Variants in EHMT1 observed in about 807,000 individuals in gnomAD.
EHMT1 encodes histone-lysine N-methyltransferase EHMT1.
In EHMT1, 15 loss-of-function variants were observed where a neutral mutation model predicts 147.2. The observed-to-expected ratio is 0.10, with a 90% CI of 0.07 to 0.16. The LOEUF is 0.16. EHMT1 is among the 10% of genes least tolerant of loss of function. The pLI is 1.00. For synonymous variants in EHMT1, 795 were observed against 709.6 expected, an observed-to-expected ratio of 1.12 and a Z score of -1.91; for missense variants, 1,587 against 1,772.4, an observed-to-expected ratio of 0.90 and a Z score of 1.88.
At position 137,800,293 on chromosome 9, in the gene EHMT1, G is replaced by T. The variant is rs116241839; in HGVS notation, c.2608-587G>T. 7.7e-3 allele frequency: 1,202 copies of T among 156,178 alleles called. 30 individuals carry two copies. The highest frequency in any genetic ancestry group is 0.027 in the African/African-American group (1,138 of 41,592). 9.7% of individuals were successfully genotyped at this position (156,178 alleles called of 1,614,324 possible). Reference sequence around the variant, plus strand: ...CAGGAGTGGCAGGAGCCGCAGAGCTGATCAGCCTGGGTGGGCATTCTGCTC... The same window carrying T: ...CAGGAGTGGCAGGAGCCGCAGAGCTTATCAGCCTGGGTGGGCATTCTGCTC... On this transcript the variant is annotated intron_variant, in intron 17 of 26. Coordinates refer to ENST00000460843, the MANE Select transcript of EHMT1 (RefSeq NM_024757.5).
intron 1 of EHMT1, among the ~76,000 whole-genome samples, chr9:137,689,899 C>T (rs1449264811): frequency 1.3e-5 from 2 of 152,224 alleles, no homozygotes; most frequent in Non-Finnish European, 2.9e-5. Flanking sequence ...ATGTTGGCTG[C>T]TGTGCCTGGC....
rs1411549957 is a variant in EHMT1, at chr9:137,834,929, C to T, written c.3873C>T (p.Ser1291=). The T allele has an allele frequency of 2.0e-6, 3 of 1,537,158 alleles. No individual in the cohort carries two copies. Among genetic ancestry groups the T allele is most frequent in the Non-Finnish European group, 2.6e-6 (3 of 1,146,324 alleles). ...AQEDGLPDTS[S]AAAADPL ...AGGACGGCTTGCCCGACACCAGCTC[C>T]GCGGCTGCCGCCGACCCCCTATGAG... The change falls in exon 27 of 27, where the codon TCC becomes TCT. Residue 1291 remains serine, a synonymous_variant. Transcript: ENST00000460843.
intron 16 of EHMT1, among the ~76,000 whole-genome samples, chr9:137,796,428 A>G (rs1050951106): frequency 6.6e-6 from 1 of 152,218 alleles, no homozygotes; most frequent in Non-Finnish European, 1.5e-5. Context: ...AATGAGGCCA[A>G]GTGCAGTGGC....
intron 10 of EHMT1, among the ~76,000 whole-genome samples, chr9:137,770,084 G>A (rs1950496570): frequency 6.6e-6 from 1 of 152,242 alleles, no homozygotes; most frequent in South Asian, 2.1e-4. Context: ...TGATCCGCCC[G>A]CCTCGGCCTC....
intron 1 of EHMT1, among the ~76,000 whole-genome samples, chr9:137,634,532 T>C (rs1001052010): frequency 2.6e-5 from 4 of 152,204 alleles, no homozygotes; most frequent in African/African-American, 7.2e-5. Flanking sequence ...GTTGCAGCAG[T>C]GTAATAAGTT....
rs1214470931 is a variant in EHMT1 at position 137,817,763 on chromosome 9, G to C, written c.3461+238G>C. On this transcript the variant is annotated intron_variant, in intron 24 of 26. Transcript: ENST00000460843. ...TAAGAAGGCGTGGTCCAGTTAGGAAGGCGTGGTCCAGTTAGGAAGGCGTGG... is the reference window on the plus strand; with the variant it reads ...TAAGAAGGCGTGGTCCAGTTAGGAACGCGTGGTCCAGTTAGGAAGGCGTGG... 21 of 635,462 alleles carry C rather than the reference G, an allele frequency of 3.3e-5. No individual in the cohort carries two copies. In the South Asian group the frequency reaches 4.0e-4, roughly 12 times the overall value. The allele number at this position is 635,462 out of a possible 1,614,324, so 39.4% of individuals were successfully genotyped here. A position where few individuals can be genotyped will look rare whatever the true frequency, so the allele number is the denominator to read the frequency against.
At chr9:137,664,004 A>G (rs1939361627) in intron 1 of EHMT1, among the ~76,000 whole-genome samples, 1 of 152,250 alleles carries the variant, frequency 6.6e-6, no homozygotes, top group South Asian at 2.1e-4. Context: ...TACAGATTAT[A>G]TATTTTACAG....
intron 18 of EHMT1, among the ~76,000 whole-genome samples, chr9:137,807,036 G>T (rs1329596465): frequency 2.0e-5 from 3 of 152,268 alleles, no homozygotes; most frequent in African/African-American, 7.2e-5. Context: ...GAAGTGCTTT[G>T]GTGTTATTTT....
At position 137,619,179 on chromosome 9, in the gene EHMT1, G is replaced by A. The variant is rs932012745; in HGVS notation, c.21+130G>A. 1.3e-4 allele frequency: 18 copies of A among 143,782 alleles called. No homozygotes were observed. The East Asian group carries it at 2.7e-3, about 21-fold the overall frequency. The allele number at this position is 143,782 out of a possible 1,614,324, so 8.9% of individuals were successfully genotyped here. A position where few individuals can be genotyped will look rare whatever the true frequency, so the allele number is the denominator to read the frequency against. On this transcript the variant is annotated intron_variant, in intron 1 of 26. Coordinates refer to ENST00000460843, the MANE Select transcript of EHMT1 (RefSeq NM_024757.5). ...GGGCGGGGCCCCGGGTCCCCCCGCCGCCGCCGCCGCCGCTGCCGCCGCCTC... is the reference window on the plus strand; with the variant it reads ...GGGCGGGGCCCCGGGTCCCCCCGCCACCGCCGCCGCCGCTGCCGCCGCCTC...
chr9:137,753,358 C>G (rs1307220190), intron 7 of EHMT1, among the ~76,000 whole-genome samples: 1 of 152,158 alleles, frequency 6.6e-6, no homozygotes, highest in Non-Finnish European at 1.5e-5. Context: ...AGCTAGATTT[C>G]CAGCAGCAGC....
At chr9:137,671,000 C>T (rs1451497694) in intron 1 of EHMT1, among the ~76,000 whole-genome samples, 1 of 152,160 alleles carries the variant, frequency 6.6e-6, no homozygotes. Flanking sequence ...ACTCTTGTTC[C>T]AGGGTAAGCC....
At position 137,677,806 on chromosome 9, in the gene EHMT1, C is replaced by T. The variant is rs550987988; in HGVS notation, c.22-33161C>T. 1.6e-4 allele frequency among the ~76,000 whole-genome samples: 25 copies of T among 152,166 alleles called. 1 individual carries two copies. Among genetic ancestry groups the T allele is most frequent in the African/African-American group, 5.8e-4 (24 of 41,528 alleles). On this transcript the variant is annotated intron_variant, in intron 1 of 26. Transcript: ENST00000460843. The stretch of plus-strand genomic sequence containing the variant: ...GAGCACGGTGGCTCACGCCTGTAAT[C>T]CCAGCACTTTGGGAGGCGGAGGCGG...
chr9:137,768,707 G>C (rs1419781351), intron 10 of EHMT1, among the ~76,000 whole-genome samples: 6 of 150,718 alleles, frequency 4.0e-5, no homozygotes, highest in African/African-American at 1.5e-4. Flanking sequence ...CCGCCACTAC[G>C]CCCGGCTAAT....
chr9:137,634,256 C>T (rs1056037579), intron 1 of EHMT1, among the ~76,000 whole-genome samples: 1 of 152,020 alleles, frequency 6.6e-6, no homozygotes, highest in Non-Finnish European at 1.5e-5. Flanking sequence ...TTTATGTTTC[C>T]TTGGAAAATT....
At chr9:137,643,533 A>G (rs1283752606) in intron 1 of EHMT1, among the ~76,000 whole-genome samples, 1 of 151,814 alleles carries the variant, frequency 6.6e-6, no homozygotes. Flanking sequence ...TATTTTTAGT[A>G]GAGACGGGGT....
chr9:137,771,639 T>TGGTCTTACCGAGGAGATGGGGGTGCTGG (rs1244852795), intron 10 of EHMT1, among the ~76,000 whole-genome samples: 1 of 151,918 alleles, frequency 6.6e-6, no homozygotes, highest in Admixed American at 6.6e-5. Flanking sequence ...CTGGACGACA[T>TGGTCTTACCGAGGAGATGGGGGTGCTGG]GGTCTTACCG....
intron 1 of EHMT1, among the ~76,000 whole-genome samples, chr9:137,687,408 G>A (rs1489694046): frequency 6.6e-6 from 1 of 152,148 alleles, no homozygotes; most frequent in Non-Finnish European, 1.5e-5. Context: ...GTCAGTTTAG[G>A]TAGAGTTTAG....
intron 6 of EHMT1, chr9:137,745,700 C>T (rs959279666): frequency 1.5e-5 from 6 of 396,382 alleles, no homozygotes; most frequent in Non-Finnish European, 2.2e-5. Flanking sequence ...AGCTGTGTTA[C>T]GCTCTTTCTG....
intron 14 of EHMT1, among the ~76,000 whole-genome samples, chr9:137,781,761 T>TTTTTAAA (rs1951573920): frequency 1.3e-5 from 2 of 152,184 alleles, no homozygotes; most frequent in Admixed American, 6.5e-5. Flanking sequence ...TAAAAAGAAG[T>TTTTTAAA]GAAACTATTT....
Sources: allele counts gnomAD v4.1 joint callset (sites outside exome capture counted in the v4.1 genomes callset), GRCh38; gene constraint gnomAD v4.1.1; transcripts MANE v1.5; gene names NCBI Gene and HGNC (gene_info 2026-07-23, HGNC 2026-07-21).